Variants in VOPP1 observed in about 807,000 individuals in gnomAD.
VOPP1 encodes the protein WW domain binding protein VOPP1.
In VOPP1, 8 loss-of-function variants were observed where a neutral mutation model predicts 23.5. That is an observed-to-expected ratio of 0.34 (90% CI 0.20 to 0.61). The LOEUF (loss-of-function observed/expected upper bound fraction) is 0.61. VOPP1 is among the 20% of genes least tolerant of loss of function. The pLI, the probability that VOPP1 is intolerant of heterozygous loss-of-function variation, is 0.78. For synonymous variants in VOPP1, 83 were observed against 97.3 expected, an observed-to-expected ratio of 0.85 and a Z score of 0.86; for missense variants, 174 against 238.1, an observed-to-expected ratio of 0.73 and a Z score of 1.77.
intron 4 of VOPP1, among the ~76,000 whole-genome samples, chr7:55,481,310 C>T (rs1397917540): frequency 6.6e-6 from 1 of 152,212 alleles, no homozygotes; most frequent in Non-Finnish European, 1.5e-5. Flanking sequence ...CCTCCTTGGC[C>T]TCTCAAAGTG....
chr7:55,557,087 G>A (rs1797835786), intron 1 of VOPP1, among the ~76,000 whole-genome samples: 1 of 152,140 alleles, frequency 6.6e-6, no homozygotes, highest in Non-Finnish European at 1.5e-5. Context: ...TTCGGAGTTG[G>A]TGTTTCTGGG....
At chr7:55,554,708 T>G (rs572482141) in intron 1 of VOPP1, among the ~76,000 whole-genome samples, 1 of 152,304 alleles carries the variant, frequency 6.6e-6, no homozygotes, top group South Asian at 2.1e-4. Context: ...AGATACACTG[T>G]CTGAGGCCTC....
chr7:55,462,507 G>A (rs982598883), intron 4 of VOPP1, among the ~76,000 whole-genome samples: 10 of 151,988 alleles, frequency 6.6e-5, no homozygotes, highest in African/African-American at 2.4e-4. Context: ...CATTTGTGTT[G>A]TCTCATAGGC....
At chr7:55,449,447 G>A (rs1403941522) in intron 4 of VOPP1, among the ~76,000 whole-genome samples, 1 of 152,202 alleles carries the variant, frequency 6.6e-6, no homozygotes, top group East Asian at 1.9e-4. Flanking sequence ...GCCGGTGCCC[G>A]GTCCTCGTTC....
At chr7:55,535,893 C>T (rs1423003357) in intron 1 of VOPP1, among the ~76,000 whole-genome samples, 1 of 152,160 alleles carries the variant, frequency 6.6e-6, no homozygotes, top group Non-Finnish European at 1.5e-5. Flanking sequence ...ATCAACTTAC[C>T]GCAGGTCTGA....
chr7:55,494,121 A>G (rs1248612102), intron 3 of VOPP1, among the ~76,000 whole-genome samples: 1 of 152,136 alleles, frequency 6.6e-6, no homozygotes, highest in African/African-American at 2.4e-5. Context: ...GGCCATGGGG[A>G]GCCCGGAGAC....
downstream of VOPP1, among the ~76,000 whole-genome samples, chr7:55,435,376 G>C (rs759851735): frequency 5.4e-4 from 82 of 152,184 alleles, no homozygotes; most frequent in Middle Eastern, 3.2e-3. Context: ...AGGCGGACAT[G>C]GCAGCAGGAT....
At chr7:55,519,539 C>T in intron 2 of VOPP1, among the ~76,000 whole-genome samples, 1 of 148,474 alleles carries the variant, frequency 6.7e-6, no homozygotes, top group African/African-American at 2.6e-5. Context: ...GATGAAAATT[C>T]ATTATGCTGA....
intron 2 of VOPP1, 69 bp from the exon 3 acceptor site, chr7:55,497,759 G>A (rs1794077492): frequency 3.6e-6 from 5 of 1,399,652 alleles, no homozygotes; most frequent in Non-Finnish European, 5.1e-6. Context: ...ATGCGGCCCA[G>A]GCTGGGCTTC....
chr7:55,453,885 G>T (rs1025336869), intron 4 of VOPP1, among the ~76,000 whole-genome samples: 11 of 152,102 alleles, frequency 7.2e-5, no homozygotes, highest in Non-Finnish European at 1.5e-4. Flanking sequence ...CCTGTAATAT[G>T]AATGTACAAA....
chr7:55,514,887 G>A (rs1344906948), intron 2 of VOPP1, among the ~76,000 whole-genome samples: 5 of 152,226 alleles, frequency 3.3e-5, no homozygotes, highest in Non-Finnish European at 5.9e-5. Context: ...ATGCAAAGAA[G>A]TGGGCAGTCT....
At chr7:55,567,943 A>T (rs920177519) in intron 1 of VOPP1, among the ~76,000 whole-genome samples, 7 of 152,200 alleles carry the variant, frequency 4.6e-5, no homozygotes, top group African/African-American at 1.7e-4. Flanking sequence ...ACACTCTTAA[A>T]CATAACTCAG....
At chr7:55,455,348 GAATA>G (rs1355905648) in intron 4 of VOPP1, among the ~76,000 whole-genome samples, 3 of 152,180 alleles carry the variant, frequency 2.0e-5, no homozygotes, top group African/African-American at 7.2e-5. Flanking sequence ...TGGATAGGAA[GAATA>G]AATATTGTGA....
chr7:55,563,915 C>A (rs79458898), intron 1 of VOPP1, among the ~76,000 whole-genome samples: 2,337 of 152,204 alleles, frequency 0.015, 34 homozygotes, highest in Non-Finnish European at 0.022. Context: ...TTTTGACAAC[C>A]TTTGAGCTAG....
intron 2 of VOPP1, among the ~76,000 whole-genome samples, chr7:55,502,506 GC>G (rs1434453545): frequency 6.6e-6 from 1 of 152,194 alleles, no homozygotes; most frequent in Non-Finnish European, 1.5e-5. Flanking sequence ...GTGGATGCTG[GC>G]AGGCCCCAGC....
chr7:55,435,551 A>C (rs1286777513), downstream of VOPP1, among the ~76,000 whole-genome samples: 1 of 152,160 alleles, frequency 6.6e-6, no homozygotes, highest in Non-Finnish European at 1.5e-5. Context: ...GGGCATAGGA[A>C]GTGGTGGTCC....
chr7:55,533,114 T>C (rs1294579581), intron 1 of VOPP1, among the ~76,000 whole-genome samples: 1 of 152,114 alleles, frequency 6.6e-6, no homozygotes, highest in African/African-American at 2.4e-5. Context: ...GGAAGGTGAT[T>C]TTGATGCCAG....
chr7:55,538,736 T>G, intron 1 of VOPP1: 2 of 1,358,466 alleles, frequency 1.5e-6, no homozygotes, highest in Non-Finnish European at 2.0e-6. Flanking sequence ...TCATGGCCAT[T>G]CCTATAAAGG....
At chr7:55,557,866 C>G (rs1562629053) in intron 1 of VOPP1, among the ~76,000 whole-genome samples, 1 of 152,238 alleles carries the variant, frequency 6.6e-6, no homozygotes, top group African/African-American at 2.4e-5. Flanking sequence ...GGGCCTCCAA[C>G]AGGAGGACTC....
Sources: gnomAD v4.1 joint callset for allele counts (sites outside exome capture counted in the v4.1 genomes callset) on GRCh38, gnomAD v4.1.1 for gene constraint, MANE v1.5 for transcripts, NCBI Gene and HGNC (gene_info 2026-07-23, HGNC 2026-07-21) for gene names.